The following RPTOR variants were observed in gnomAD, a reference collection of about 807,000 sequenced individuals.
RPTOR encodes the protein regulatory-associated protein of mTOR.
RPTOR carries 21 observed loss-of-function variants against 169.9 expected under a neutral mutation model. The observed-to-expected ratio is 0.12, with a 90% confidence interval of 0.09 to 0.18. The LOEUF (loss-of-function observed/expected upper bound fraction) is 0.18. Ranked by LOEUF, RPTOR falls within the 10% of genes least tolerant of loss-of-function variation. RPTOR has a pLI of 1.00. For synonymous variants in RPTOR, 732 were observed against 753.2 expected (o/e 0.97, Z 0.46); for missense variants, 1,133 against 1,855.9 (o/e 0.61, Z 7.16).
At chr17:80,848,196 C>G (rs1312761566) in intron 11 of RPTOR, among the ~76,000 whole-genome samples, 4 of 152,214 alleles carry the variant, frequency 2.6e-5, no homozygotes, top group Non-Finnish European at 5.9e-5. Context: ...ATGATCCCAG[C>G]TCCTCAGTAG....
At chr17:80,942,590 A>G (rs186364214) in intron 25 of RPTOR, among the ~76,000 whole-genome samples, 1 of 152,172 alleles carries the variant, frequency 6.6e-6, no homozygotes, top group Non-Finnish European at 1.5e-5. Flanking sequence ...CCCTCCTCCC[A>G]GTCCTCTGTC....
At chr17:80,930,622 A>G (rs2068886121) in intron 24 of RPTOR, among the ~76,000 whole-genome samples, 2 of 152,204 alleles carry the variant, frequency 1.3e-5, no homozygotes, top group Admixed American at 6.5e-5. Flanking sequence ...TTTCCTGGAA[A>G]GTTCAGAAGG....
At chr17:80,758,744 C>T (rs2066705483) in intron 6 of RPTOR, among the ~76,000 whole-genome samples, 2 of 152,014 alleles carry the variant, frequency 1.3e-5, no homozygotes, top group African/African-American at 4.8e-5. Context: ...AGAATCAACA[C>T]CACACCAGCT....
chr17:80,637,125 A>G (rs1379775624), intron 2 of RPTOR, among the ~76,000 whole-genome samples: 1 of 152,180 alleles, frequency 6.6e-6, no homozygotes, highest in Non-Finnish European at 1.5e-5. Flanking sequence ...GTCTGTGCTG[A>G]TGTCAGAGGG....
At chr17:80,884,898 G>C in intron 16 of RPTOR, 110 bp from the exon 17 acceptor site, 1 of 1,398,362 alleles carries the variant, frequency 7.2e-7, no homozygotes, top group Non-Finnish European at 9.6e-7. Context: ...GAGAGCTGTT[G>C]AGCAAGCGCC....
At chr17:80,893,424 G>A (rs997666439) in intron 19 of RPTOR, among the ~76,000 whole-genome samples, 3 of 148,022 alleles carry the variant, frequency 2.0e-5, no homozygotes, top group African/African-American at 7.5e-5. Flanking sequence ...AAGGGTGTGT[G>A]TGTGCCAGGG....
Position 80,730,757 on chromosome 17 carries a change from CTGGGGG to C in RPTOR, c.654+57_654+62del. On this transcript the variant is annotated intron_variant, in intron 5 of 33. Transcript: ENST00000306801. The surrounding 1 kb of genome is among the most constrained non-coding windows in gnomAD (Gnocchi z 4.2). ...GGTGCTGGGTTTGGTTTTGTTTTCC[CTGGGGG>C]TGGGGTTTGGGTGGGGAGGTTGGGA... 1.3e-5 allele frequency: 9 copies of C among 691,888 alleles called. No homozygotes were observed. The highest frequency in any genetic ancestry group is 1.9e-5 in the Non-Finnish European group (8 of 420,580). The allele number at this position is 691,888 out of a possible 1,614,324, so 42.9% of individuals were successfully genotyped here. A position where few individuals can be genotyped will look rare whatever the true frequency, so the allele number is the denominator to read the frequency against.
intron 6 of RPTOR, among the ~76,000 whole-genome samples, chr17:80,775,444 C>T (rs1485776636): frequency 6.6e-6 from 1 of 152,170 alleles, no homozygotes; most frequent in African/African-American, 2.4e-5. Flanking sequence ...GTTTAGGCTT[C>T]TTGAGTTGTT....
At chr17:80,864,332 G>C (rs1490651233) in intron 13 of RPTOR, among the ~76,000 whole-genome samples, 3 of 148,862 alleles carry the variant, frequency 2.0e-5, no homozygotes, top group African/African-American at 7.5e-5. Flanking sequence ...GTGACGGCAG[G>C]TTTCTTCTTA....
At chr17:80,755,171 T>A (rs955745586) in intron 6 of RPTOR, among the ~76,000 whole-genome samples, 2 of 151,980 alleles carry the variant, frequency 1.3e-5, no homozygotes, top group Admixed American at 6.5e-5. Flanking sequence ...GGGCTGGGGG[T>A]TCATGATGTT....
intron 20 of RPTOR, among the ~76,000 whole-genome samples, chr17:80,900,387 G>A (rs918157335): frequency 9.2e-5 from 14 of 151,898 alleles, no homozygotes; most frequent in East Asian, 7.7e-4. Context: ...GTTTAATGGC[G>A]CGATCTCTGC....
At chr17:80,625,613 A>G (rs1449814629) in intron 1 of RPTOR, 78 bp from the exon 2 acceptor site, 7 of 1,125,882 alleles carry the variant, frequency 6.2e-6, no homozygotes, top group Non-Finnish European at 9.3e-6. Flanking sequence ...GTTCTGGGGG[A>G]CATTTTAAAA....
At chr17:80,655,239 C>T (rs2065670528) in intron 3 of RPTOR, among the ~76,000 whole-genome samples, 1 of 152,144 alleles carries the variant, frequency 6.6e-6, no homozygotes, top group Non-Finnish European at 1.5e-5. Context: ...GCACATGCCA[C>T]CACACCTGGC....
chr17:80,901,717 G>A (rs941714992), intron 20 of RPTOR, among the ~76,000 whole-genome samples: 1 of 152,120 alleles, frequency 6.6e-6, no homozygotes, highest in Admixed American at 6.5e-5. Context: ...CAGAACCATG[G>A]CAACCTGGAG....
intron 7 of RPTOR, among the ~76,000 whole-genome samples, chr17:80,800,958 G>A (rs79324509): frequency 6.6e-6 from 1 of 152,210 alleles, no homozygotes; most frequent in African/African-American, 2.4e-5. Flanking sequence ...TGCTGCTTCC[G>A]AGGCTCTGGT....
intron 4 of RPTOR, among the ~76,000 whole-genome samples, chr17:80,709,568 T>A (rs1183540005): frequency 1.3e-5 from 2 of 152,254 alleles, no homozygotes; most frequent in African/African-American, 4.8e-5. Flanking sequence ...CTTCCCACAT[T>A]CGCTGTCCCC....
rs548571884 is a variant in RPTOR at position 80,576,625 on chromosome 17, A to G, written c.162+30834A>G. Among the ~76,000 whole-genome samples the G allele has an allele frequency of 2.6e-5, 4 of 152,340 alleles. No individual in the cohort carries two copies. In the East Asian group the frequency reaches 7.7e-4, roughly 29 times the overall value. On this transcript the variant is annotated intron_variant, in intron 1 of 33. Transcript: ENST00000306801. ...CTATGGGGCCACCTACTTTGACTGA[A>G]AGACTTCAGAATTCTTTTCTCATGA... is the stretch of plus-strand genomic sequence containing the variant.
intron 1 of RPTOR, among the ~76,000 whole-genome samples, chr17:80,615,018 G>A (rs368126196): frequency 2.0e-5 from 3 of 152,126 alleles, no homozygotes; most frequent in African/African-American, 7.2e-5. Context: ...GAGTTCTGAC[G>A]TTATTTTACT....
chr17:80,617,066 TCCCCACTTCTGC>T (rs1250553537), intron 1 of RPTOR, among the ~76,000 whole-genome samples: 2 of 152,182 alleles, frequency 1.3e-5, no homozygotes, highest in Non-Finnish European at 2.9e-5. Flanking sequence ...GTCATTTTTA[TCCCCACTTCTGC>T]CCCCCCATGC....
Sources: gnomAD v4.1 joint callset for allele counts (sites outside exome capture counted in the v4.1 genomes callset) on GRCh38, gnomAD v4.1.1 for gene constraint, Gnocchi (gnomAD v3.1) non-coding constraint, MANE v1.5 for transcripts, NCBI Gene and HGNC (gene_info 2026-07-23, HGNC 2026-07-21) for gene names.